The following ALDH6A1 variants were observed in gnomAD, a reference collection of about 807,000 sequenced individuals.
ALDH6A1 encodes the protein methylmalonate-semialdehyde/malonate-semialdehyde dehydrogenase [acylating], mitochondrial.
In ALDH6A1, 43 loss-of-function variants were observed where a neutral mutation model predicts 62.6. The ratio of observed to expected loss-of-function variants is 0.69; its 90% CI spans 0.54 to 0.89. The LOEUF (loss-of-function observed/expected upper bound fraction) is 0.89, where lower values mean the gene tolerates loss of function less well. ALDH6A1 is among the 40% of genes least tolerant of loss of function. The pLI is 0.00. For missense variants in ALDH6A1, 551 were observed against 661.3 expected, an observed-to-expected ratio of 0.83 and a Z score of 1.83; for synonymous variants, 194 against 234.2, an observed-to-expected ratio of 0.83 and a Z score of 1.57.
rs368051564 is a variant in ALDH6A1 at position 74,064,297 on chromosome 14, CA to C, written c.1503+524del. On this transcript the variant is annotated intron_variant, in intron 11 of 11. Transcript: ENST00000553458. ...TGGGCAACAGAGCGAGACTGTGTCTCAAAAAAAAAAAAAATAATAATAATAA... is the reference window on the plus strand; with the variant it reads ...TGGGCAACAGAGCGAGACTGTGTCTCAAAAAAAAAAAAATAATAATAATAA... Among the ~76,000 whole-genome samples, 1,166 of 126,996 alleles carry C rather than the reference CA, an allele frequency of 9.2e-3. 21 individuals are homozygous for C. Among genetic ancestry groups the C allele is most frequent in the South Asian group, 0.048 (189 of 3,946 alleles). 83.3% of individuals were successfully genotyped at this position (126,996 alleles called of 152,430 possible). A position where few individuals can be genotyped will look rare whatever the true frequency, so the allele number is the denominator to read the frequency against.
chr14:74,057,153 T>C lies in ALDH6A1; in HGVS notation c.*3489A>G. The C allele has an allele frequency of 6.2e-7, 1 of 1,611,690 alleles. No individual in the cohort carries two copies. The highest frequency in any genetic ancestry group is 8.5e-7 in the Non-Finnish European group (1 of 1,178,218). ...TTTGTCATTATTGCAGGGATGAAAG[T>C]AAGCTTCAAGATAAAATCTTCATCA... On this transcript the variant is annotated 3_prime_UTR_variant, in exon 12 of 12. Coordinates refer to ENST00000553458, the MANE Select transcript of ALDH6A1 (RefSeq NM_005589.4).
At chr14:74,065,431 C>T in intron 9 of ALDH6A1, 71 bp from the exon 10 acceptor site, 2 of 1,322,388 alleles carry the variant, frequency 1.5e-6, no homozygotes, top group Non-Finnish European at 2.1e-6. Context: ...TTATTTGGTA[C>T]TTTCACTTAC....
At chr14:74,064,595 TC>T (rs766227364) in intron 11 of ALDH6A1, 16 of 1,230,944 alleles carry the variant, frequency 1.3e-5, no homozygotes, top group Non-Finnish European at 1.8e-5. Flanking sequence ...GGCTTAGACT[TC>T]CCCATGCTCT....
intron 9 of ALDH6A1, chr14:74,065,591 C>A: frequency 1.9e-6 from 1 of 533,760 alleles, no homozygotes; most frequent in Non-Finnish European, 3.4e-6. Context: ...ACAATAACCA[C>A]ACTTCCTTTA....
rs769552036 is a variant in ALDH6A1, at chr14:74,068,903, A to G, written c.809T>C (p.Phe270Ser). ...VGSNKAGEYI[F>S]ERGSRHGKRV... is the part of the protein sequence containing the mutation. ...CTTGCCATGTCTTGATCCTCTCTCG[A>G]AGATATACTCTCCTGCCTTGTTGGA... The change falls in exon 7 of 12, where the codon TTC becomes TCC. Residue 270 changes from phenylalanine (F) to serine (S), a missense_variant. Physicochemically the swap from Phe to Ser is radical, Grantham distance 155. Transcript: ENST00000553458. 6.2e-7 allele frequency: 1 copy of G among 1,614,056 alleles called. No homozygotes were observed. Among genetic ancestry groups the G allele is most frequent in the South Asian group, 1.1e-5 (1 of 91,078 alleles).
At chr14:74,067,325 A>C in intron 8 of ALDH6A1, 55 bp downstream of exon 8, 13 of 1,600,810 alleles carry the variant, frequency 8.1e-6, no homozygotes, top group South Asian at 3.3e-5. Flanking sequence ...ACAGAACCCA[A>C]GAGCTTAATG....
Position 74,068,852 on chromosome 14 carries a change from G to T in ALDH6A1, c.852+8C>A, listed in dbSNP as rs1350454757. Reference sequence around the variant, plus strand: ...CAAAGATTGGAGAAAAAAGGAATAAGAAGTCACCATATTGGCTTGAACCCT... The same window carrying T: ...CAAAGATTGGAGAAAAAAGGAATAATAAGTCACCATATTGGCTTGAACCCT... On this transcript the variant is annotated splice_region_variant and intron_variant, in intron 7 of 11. Transcript: ENST00000553458. 3.7e-6 allele frequency: 6 copies of T among 1,613,742 alleles called. No homozygotes were observed. Among genetic ancestry groups the T allele is most frequent in the Non-Finnish European group, 1.7e-6 (2 of 1,179,872 alleles).
chr14:74,060,977 AT>A (rs1398808378), intron 11 of ALDH6A1, among the ~76,000 whole-genome samples: 1 of 151,700 alleles, frequency 6.6e-6, no homozygotes, highest in African/African-American at 2.4e-5. Context: ...TGAAACTAGT[AT>A]TTCTTTCTTT....
chr14:74,081,336 T>C (rs1425917056), intron 1 of ALDH6A1: 1 of 152,166 alleles, frequency 6.6e-6, no homozygotes, highest in Non-Finnish European at 1.5e-5. Flanking sequence ...AAGCAATCAT[T>C]TGATATTGTT....
intron 11 of ALDH6A1, among the ~76,000 whole-genome samples, chr14:74,063,800 A>G (rs2060401453): frequency 6.7e-6 from 1 of 150,122 alleles, no homozygotes. Context: ...TGGGAGGCGG[A>G]GGTTGCAGTG....
At chr14:74,071,722 A>C (rs1266127449) in intron 5 of ALDH6A1, 174 bp downstream of exon 5, 2 of 1,459,506 alleles carry the variant, frequency 1.4e-6, no homozygotes, top group African/African-American at 2.8e-5. Flanking sequence ...AGTAAAGAGT[A>C]AAGTAAATCA....
intron 10 of ALDH6A1, 25 bp downstream of exon 10, chr14:74,065,156 T>C (rs776425580): frequency 6.2e-6 from 10 of 1,612,438 alleles, no homozygotes; most frequent in Middle Eastern, 1.6e-4. Context: ...GATATAAGAA[T>C]CTCTTAAAAA....
Position 74,057,678 on chromosome 14 carries a change from T to C in ALDH6A1, c.*2964A>G, listed in dbSNP as rs762407642. 116 of 1,294,238 alleles carry C rather than the reference T, an allele frequency of 9.0e-5. No homozygotes were observed. Among genetic ancestry groups the C allele is most frequent in the Non-Finnish European group, 1.2e-4 (115 of 998,672 alleles). The allele number at this position is 1,294,238 out of a possible 1,614,324, so 80.2% of individuals were successfully genotyped here. ...TAAGCCAAGTTTTTCTCTTTAAGAG[T>C]TTTTAATTTATAATTTGTTATTCAT... On this transcript the variant is annotated 3_prime_UTR_variant, in exon 12 of 12. Coordinates refer to ENST00000553458, the MANE Select transcript of ALDH6A1 (RefSeq NM_005589.4).
intron 8 of ALDH6A1, among the ~76,000 whole-genome samples, chr14:74,067,129 AC>A (rs2139773594): frequency 6.6e-6 from 1 of 152,256 alleles, no homozygotes; most frequent in Admixed American, 6.5e-5. Context: ...CAGGAGGATC[AC>A]TTGAGCCCAA....
intron 1 of ALDH6A1, among the ~76,000 whole-genome samples, chr14:74,081,662 C>T (rs1447193016): frequency 6.6e-6 from 1 of 152,092 alleles, no homozygotes; most frequent in Non-Finnish European, 1.5e-5. Context: ...CCTTCCTCTC[C>T]TGGTTCATGG....
chr14:74,072,085 C>T, intron 4 of ALDH6A1, 111 bp from the exon 5 acceptor site: 1 of 1,571,128 alleles, frequency 6.4e-7, no homozygotes, highest in African/African-American at 1.3e-5. Flanking sequence ...GGGAGAGAGT[C>T]ATGATCAACG....
rs1280478800 is a variant in ALDH6A1 at position 74,059,908 on chromosome 14, A to G, written c.*734T>C. On this transcript the variant is annotated 3_prime_UTR_variant, in exon 12 of 12. Coordinates refer to ENST00000553458, the MANE Select transcript of ALDH6A1 (RefSeq NM_005589.4). ...GTGGTCATGAATTACTAGGAAACAA[A>G]GTGGCATTGAGCAGAAAAGAAAGAA... 2.6e-5 allele frequency: 4 copies of G among 153,448 alleles called. No homozygotes were observed. The East Asian group carries it at 7.7e-4, about 29-fold the overall frequency. 9.5% of individuals were successfully genotyped at this position (153,448 alleles called of 1,614,324 possible). A position where few individuals can be genotyped will look rare whatever the true frequency, so the allele number is the denominator to read the frequency against.
intron 2 of ALDH6A1, among the ~76,000 whole-genome samples, chr14:74,074,440 C>T (rs2139800835): frequency 6.6e-6 from 1 of 151,958 alleles, no homozygotes; most frequent in East Asian, 1.9e-4. Flanking sequence ...GTGCGTGCCA[C>T]CATGCCCAGC....
At chr14:74,075,844 TG>T (rs1174717950) in intron 1 of ALDH6A1, among the ~76,000 whole-genome samples, 1 of 152,082 alleles carries the variant, frequency 6.6e-6, no homozygotes, top group African/African-American at 2.4e-5. Context: ...TACCATTGGA[TG>T]GGTGAATAAG....
Sources: gnomAD v4.1 joint callset for allele counts (sites outside exome capture counted in the v4.1 genomes callset) on GRCh38, gnomAD v4.1.1 for gene constraint, MANE v1.5 for transcripts, NCBI Gene and HGNC (gene_info 2026-07-23, HGNC 2026-07-21) for gene names.